Variants in ABI2 observed in about 807,000 individuals in gnomAD.
ABI2 encodes abl interactor 2, also known as abelson interactor 2.
Under a neutral mutation model 59.2 loss-of-function variants are expected in ABI2, and 25 were observed. The observed-to-expected ratio is 0.42, with a 90% CI of 0.31 to 0.59. The LOEUF (loss-of-function observed/expected upper bound fraction) is 0.59. ABI2 is among the 20% of genes least tolerant of loss of function. ABI2 has a pLI of 0.14. For synonymous variants in ABI2, 213 were observed against 235.5 expected (o/e 0.90, Z 0.87); for missense variants, 545 against 681.8 (o/e 0.80, Z 2.23).
intron 1 of ABI2, among the ~76,000 whole-genome samples, chr2:203,338,908 C>CTGTGTGTGTGTGTGTGTGTG (rs148766477): frequency 3.1e-4 from 20 of 64,030 alleles, no homozygotes; most frequent in African/African-American, 1.4e-3. Context: ...GGGTTTATAT[C>CTGTGTGTGTGTGTGTGTGTG]TGTGTGTGTG....
intron 6 of ABI2, among the ~76,000 whole-genome samples, chr2:203,395,446 T>TACACACAC (rs774200941): frequency 8.2e-5 from 7 of 85,348 alleles, no homozygotes; most frequent in African/African-American, 1.5e-4. Flanking sequence ...TATATATATA[T>TACACACAC]ATACACACAC....
At chr2:203,368,198 A>G (rs1221044251) in intron 2 of ABI2, among the ~76,000 whole-genome samples, 1 of 152,098 alleles carries the variant, frequency 6.6e-6, no homozygotes, top group African/African-American at 2.4e-5. Context: ...TCATTCCCAT[A>G]TTTTGGGGCC....
intron 1 of ABI2, among the ~76,000 whole-genome samples, chr2:203,333,698 G>C (rs1201529163): frequency 2.0e-5 from 3 of 152,136 alleles, no homozygotes; most frequent in Non-Finnish European, 4.4e-5. Context: ...CCTTTGACAA[G>C]ATTGCAAAAA....
chr2:203,393,195 CAG>C (rs2096839134), intron 5 of ABI2, among the ~76,000 whole-genome samples: 2 of 152,196 alleles, frequency 1.3e-5, no homozygotes, highest in African/African-American at 2.4e-5. Context: ...GCTGGGATTA[CAG>C]GTGTGCGCCA....
At chr2:203,358,675 C>G (rs2092813415) in intron 1 of ABI2, among the ~76,000 whole-genome samples, 1 of 152,074 alleles carries the variant, frequency 6.6e-6, no homozygotes, top group African/African-American at 2.4e-5. Flanking sequence ...ATTAATAGTT[C>G]TGACATCAGA....
intron 1 of ABI2, among the ~76,000 whole-genome samples, chr2:203,338,989 T>TAA: frequency 2.5e-5 from 1 of 39,780 alleles, no homozygotes; most frequent in African/African-American, 8.5e-5. Flanking sequence ...TATAAATATA[T>TAA]ATATATATAT....
chr2:203,414,657 T>C (rs1580436426), intron 10 of ABI2, among the ~76,000 whole-genome samples: 1 of 152,256 alleles, frequency 6.6e-6, no homozygotes, highest in African/African-American at 2.4e-5. Context: ...GAGCATAATA[T>C]CCAGCCATAT....
At chr2:203,371,497 T>C (rs145270259) in intron 2 of ABI2, among the ~76,000 whole-genome samples, 1 of 152,348 alleles carries the variant, frequency 6.6e-6, no homozygotes, top group Non-Finnish European at 1.5e-5. Context: ...ATCATATCTA[T>C]AAGGCAGTAT....
intron 1 of ABI2, among the ~76,000 whole-genome samples, chr2:203,345,238 A>G (rs1271128332): frequency 6.6e-6 from 1 of 152,148 alleles, no homozygotes; most frequent in Non-Finnish European, 1.5e-5. Flanking sequence ...ATAACTCCAG[A>G]CACGCCATTT....
Position 203,389,670 on chromosome 2 carries a change from T to G in ABI2, c.481-1376T>G, listed in dbSNP as rs575513469. Among the ~76,000 whole-genome samples the G allele has an allele frequency of 4.6e-5, 7 of 152,362 alleles. No homozygotes were observed. In the East Asian group the frequency reaches 1.3e-3, roughly 29 times the overall value. ...TTTTTAGAAAAGTTGAGGTCCTTTT[T>G]CAAAATATGTTTTGAAGATGGAAAT... On this transcript the variant is annotated intron_variant, in intron 4 of 11. Coordinates refer to ENST00000261018, the MANE Select transcript of ABI2 (RefSeq NM_001375670.1).
intron 8 of ABI2, among the ~76,000 whole-genome samples, chr2:203,398,266 A>G (rs1028752594): frequency 6.6e-6 from 1 of 152,212 alleles, no homozygotes; most frequent in South Asian, 2.1e-4. Context: ...TGTTAGGCCA[A>G]ACTAACTAGT....
intron 5 of ABI2, among the ~76,000 whole-genome samples, chr2:203,392,281 C>T (rs1015563914): frequency 1.6e-4 from 15 of 94,026 alleles, no homozygotes; most frequent in African/African-American, 4.1e-4. Flanking sequence ...ACCATCACCA[C>T]CACCACCACC....
intron 1 of ABI2, among the ~76,000 whole-genome samples, chr2:203,350,447 T>A (rs999030360): frequency 1.3e-5 from 2 of 151,968 alleles, no homozygotes; most frequent in African/African-American, 2.4e-5. Flanking sequence ...ACTCATGGGC[T>A]CAAGCAAGCC....
chr2:203,335,656 A>G (rs993468448), intron 1 of ABI2, among the ~76,000 whole-genome samples: 14 of 152,240 alleles, frequency 9.2e-5, no homozygotes, highest in African/African-American at 3.4e-4. Context: ...TGTTCTGTAA[A>G]GTTTTGCAGT....
intron 5 of ABI2, among the ~76,000 whole-genome samples, chr2:203,392,967 CTTT>C (rs34801404): frequency 1.3e-5 from 2 of 149,614 alleles, no homozygotes; most frequent in Non-Finnish European, 3.0e-5. Flanking sequence ...TCCTTTGCTC[CTTT>C]TTTTTTTAAA....
chr2:203,380,062 A>C, intron 2 of ABI2, 146 bp from the exon 3 acceptor site: 1 of 512,204 alleles, frequency 2.0e-6, no homozygotes, highest in South Asian at 5.3e-5. Context: ...AAAATGGAGA[A>C]AATCAGTAGT....
Position 203,396,840 on chromosome 2 carries a change from T to G in ABI2, c.906T>G (p.Pro302=), listed in dbSNP as rs1033193335. ...PPLPATSASA[P]APLVPATVPS... is the part of the protein sequence containing the mutation. ...TTCCTGCTACTTCTGCATCTGCCCC[T>G]GCTCCTCTTGTTCCTGCTACTGTCC... The change falls in exon 8 of 12, where the codon CCT becomes CCG. Residue 302 remains proline (P), a synonymous_variant. Transcript: ENST00000261018. 6 of 1,535,388 alleles carry G rather than the reference T, an allele frequency of 3.9e-6. No individual in the cohort carries two copies. The highest frequency in any genetic ancestry group is 5.2e-6 in the Non-Finnish European group (6 of 1,146,606).
intron 1 of ABI2, 145 bp from the exon 2 acceptor site, chr2:203,366,732 A>T (rs1409222360): frequency 1.4e-6 from 1 of 702,616 alleles, no homozygotes; most frequent in Admixed American, 3.4e-5. Context: ...TTTATGTGAT[A>T]CCAGTAGTTT....
chr2:203,338,658 A>G (rs894409650), intron 1 of ABI2, among the ~76,000 whole-genome samples: 1 of 151,862 alleles, frequency 6.6e-6, no homozygotes, highest in Non-Finnish European at 1.5e-5. Flanking sequence ...GTATTCCTTC[A>G]TACGATCATA....
Sources: allele counts gnomAD v4.1 joint callset (sites outside exome capture counted in the v4.1 genomes callset), GRCh38; gene constraint gnomAD v4.1.1; transcripts MANE v1.5; gene names NCBI Gene and HGNC (gene_info 2026-07-23, HGNC 2026-07-21).